Variants in LIPG observed in about 807,000 individuals in gnomAD.
LIPG encodes the protein lipase G, endothelial type.
A neutral mutation model predicts 51.8 loss-of-function variants in LIPG; 34 were observed. The observed-to-expected ratio is 0.66, with a 90% CI of 0.50 to 0.87. The LOEUF (loss-of-function observed/expected upper bound fraction) is 0.87, where lower values mean the gene tolerates loss of function less well. Ranked by LOEUF, LIPG falls within the 40% of genes least tolerant of loss-of-function variation. The pLI, the probability that LIPG is intolerant of heterozygous loss-of-function variation, is 0.00. For missense variants in LIPG, 580 were observed against 652.7 expected (o/e 0.89, Z 1.21); for synonymous variants, 246 against 246.1 (o/e 1.00, Z 0.00).
At chr18:49,588,307 A>G (rs2084905302) in intron 9 of LIPG, among the ~76,000 whole-genome samples, 1 of 146,866 alleles carries the variant, frequency 6.8e-6, no homozygotes, top group South Asian at 2.2e-4. Context: ...TTTTGAGACA[A>G]AGTCTCACTC....
intron 4 of LIPG, among the ~76,000 whole-genome samples, chr18:49,573,880 T>C (rs2084688736): frequency 6.6e-6 from 1 of 152,188 alleles, no homozygotes; most frequent in South Asian, 2.1e-4. Flanking sequence ...CTAGGCAATA[T>C]TGACATTTGG....
intron 5 of LIPG, among the ~76,000 whole-genome samples, chr18:49,576,214 G>C (rs1235833996): frequency 6.6e-6 from 1 of 151,986 alleles, no homozygotes; most frequent in African/African-American, 2.4e-5. Context: ...CTTGAATAAA[G>C]CAAAAGTGCG....
At chr18:49,571,611 T>A (rs1163155726) in intron 4 of LIPG, among the ~76,000 whole-genome samples, 1 of 152,128 alleles carries the variant, frequency 6.6e-6, no homozygotes, top group Non-Finnish European at 1.5e-5. Context: ...TGACACACGC[T>A]GTTGTGTATG....
chr18:49,566,995 T>G, intron 2 of LIPG, among the ~76,000 whole-genome samples: 1 of 152,184 alleles, frequency 6.6e-6, no homozygotes, highest in Middle Eastern at 3.2e-3. Flanking sequence ...CTGGTCCTGC[T>G]CATGTGCAAA....
intron 1 of LIPG, among the ~76,000 whole-genome samples, chr18:49,563,942 G>C (rs1304372154): frequency 1.3e-5 from 2 of 152,276 alleles, no homozygotes; most frequent in Middle Eastern, 3.4e-3. Context: ...TCTGGCCTCT[G>C]CATGAGTGGC....
intron 6 of LIPG, 63 bp from the exon 7 acceptor site, chr18:49,582,299 G>A: frequency 6.2e-7 from 1 of 1,611,080 alleles, no homozygotes; most frequent in East Asian, 2.2e-5. Context: ...CTCAGTTTGG[G>A]TCAGGGGTCT....
chr18:49,579,817 TCTTTA>T (rs1206283004), intron 5 of LIPG, among the ~76,000 whole-genome samples: 118 of 135,174 alleles, frequency 8.7e-4, no homozygotes, highest in East Asian at 2.2e-3. Flanking sequence ...TCTTTTCTTT[TCTTTA>T]CTTTACTTTT....
chr18:49,581,116 A>G (rs2084813787), intron 5 of LIPG, among the ~76,000 whole-genome samples: 1 of 152,070 alleles, frequency 6.6e-6, no homozygotes, highest in Non-Finnish European at 1.5e-5. Context: ...AAAATTAGCC[A>G]GGTGTGGTGG....
At chr18:49,572,035 C>T (rs900032026) in intron 4 of LIPG, among the ~76,000 whole-genome samples, 7 of 152,186 alleles carry the variant, frequency 4.6e-5, no homozygotes, top group Admixed American at 2.6e-4. Flanking sequence ...TGTGGCCGGG[C>T]GTGGCCGGGC....
chr18:49,565,255 A>T (rs2084590163), intron 1 of LIPG, 62 bp from the exon 2 acceptor site: 2 of 1,545,700 alleles, frequency 1.3e-6, no homozygotes, highest in Admixed American at 1.7e-5. Flanking sequence ...CTAGAATCAG[A>T]CCCCAGGTCT....
intron 1 of LIPG, among the ~76,000 whole-genome samples, 191 bp downstream of exon 1, chr18:49,562,596 T>C (rs1031674186): frequency 1.3e-5 from 2 of 152,224 alleles, no homozygotes; most frequent in African/African-American, 4.8e-5. Flanking sequence ...TCCCGGCAAG[T>C]CATGCAAAAG....
intron 3 of LIPG, among the ~76,000 whole-genome samples, chr18:49,569,184 GCCTCCAGTCATAC>G (rs1266121126): frequency 1.3e-5 from 2 of 151,944 alleles, no homozygotes; most frequent in South Asian, 4.1e-4. Context: ...CACATATGCA[GCCTCCAGTCATAC>G]CCTCCACCCT....
intron 5 of LIPG, among the ~76,000 whole-genome samples, chr18:49,577,949 G>A (rs1353587932): frequency 2.6e-4 from 24 of 90,710 alleles, no homozygotes; most frequent in African/African-American, 1.0e-3. Context: ...CCTCCTGGAC[G>A]GGGCGGCTGG....
chr18:49,578,872 CGTGGTGGCGCGTGCCTGCAAT>C (rs2084766146), intron 5 of LIPG, among the ~76,000 whole-genome samples: 1 of 133,460 alleles, frequency 7.5e-6, no homozygotes, highest in East Asian at 2.1e-4. Flanking sequence ...ACCAGTCAGG[CGTGGTGGCGCGTGCCTGCAAT>C]CGCAGGCACT....
intron 5 of LIPG, 116 bp downstream of exon 5, chr18:49,575,706 C>A: frequency 3.7e-6 from 3 of 818,622 alleles, no homozygotes; most frequent in Non-Finnish European, 4.1e-6. Flanking sequence ...CCTCCCACCA[C>A]AGAGGCCTCC....
intron 9 of LIPG, among the ~76,000 whole-genome samples, chr18:49,589,027 G>T (rs949936839): frequency 1.3e-5 from 2 of 152,118 alleles, no homozygotes; most frequent in Non-Finnish European, 2.9e-5. Flanking sequence ...CTCTCCCAAG[G>T]CCCCCAGCAA....
At chr18:49,580,517 C>T (rs890206319) in intron 5 of LIPG, among the ~76,000 whole-genome samples, 13 of 152,258 alleles carry the variant, frequency 8.5e-5, no homozygotes, top group African/African-American at 2.9e-4. Context: ...GTGTGGTGCA[C>T]CTGTAGTCCC....
rs527634173 is a variant in LIPG at position 49,597,501 on chromosome 18, G to A, written c.*6979G>A. The stretch of plus-strand genomic sequence containing the variant: ...TAAGAATCAAACAAATATAAATCAG[G>A]GCTCAAGTCATTTGTTTTCCTAAAC... On this transcript the variant is annotated 3_prime_UTR_variant, in exon 10 of 10. Coordinates refer to ENST00000261292, the MANE Select transcript of LIPG (RefSeq NM_006033.4). The A allele has an allele frequency of 6.6e-6, 1 of 152,216 alleles. No homozygotes were observed. Among genetic ancestry groups the A allele is most frequent in the South Asian group, 2.1e-4 (1 of 4,816 alleles). The allele number at this position is 152,216 out of a possible 1,614,324, so 9.4% of individuals were successfully genotyped here.
chr18:49,590,975 T>C lies in LIPG; in HGVS notation c.*453T>C. 3.7e-6 allele frequency: 1 copy of C among 272,228 alleles called. No individual in the cohort carries two copies. The highest frequency in any genetic ancestry group is 7.2e-6 in the Non-Finnish European group (1 of 138,448). 16.9% of individuals were successfully genotyped at this position (272,228 alleles called of 1,614,324 possible). A position where few individuals can be genotyped will look rare whatever the true frequency, so the allele number is the denominator to read the frequency against. On this transcript the variant is annotated 3_prime_UTR_variant, in exon 10 of 10. Transcript: ENST00000261292. ...CGACAGGAGCTGACTCATGTCAGGA[T>C]GGCAGGCCTGGTATCTTGCTCGGGC...
Sources: allele counts gnomAD v4.1 joint callset (sites outside exome capture counted in the v4.1 genomes callset), GRCh38; gene constraint gnomAD v4.1.1; transcripts MANE v1.5; gene names NCBI Gene and HGNC (gene_info 2026-07-23, HGNC 2026-07-21).